Variants in OSBPL1A observed in about 807,000 individuals in gnomAD.
The protein encoded by OSBPL1A is oxysterol-binding protein-related protein 1.
OSBPL1A carries 80 observed loss-of-function variants against 137.1 expected under a neutral mutation model. The ratio of observed to expected loss-of-function variants is 0.58; its 90% CI spans 0.49 to 0.70. The LOEUF (loss-of-function observed/expected upper bound fraction) is 0.70. Among genes scored for constraint, OSBPL1A ranks in the 30% least tolerant of loss-of-function variants. OSBPL1A has a pLI of 0.00. For missense variants in OSBPL1A, 970 were observed against 1,129.4 expected, an observed-to-expected ratio of 0.86 and a Z score of 2.02; for synonymous variants, 365 against 389.7, an observed-to-expected ratio of 0.94 and a Z score of 0.75.
intron 17 of OSBPL1A, among the ~76,000 whole-genome samples, chr18:24,202,882 C>T (rs559144871): frequency 6.6e-6 from 1 of 152,268 alleles, no homozygotes; most frequent in African/African-American, 2.4e-5. Context: ...AAACAACACA[C>T]ATAATTAAAA....
At chr18:24,258,925 CTTTT>C (rs543867145) in intron 15 of OSBPL1A, among the ~76,000 whole-genome samples, 6 of 92,750 alleles carry the variant, frequency 6.5e-5, no homozygotes, top group African/African-American at 2.1e-4. Context: ...AAAATTACAT[CTTTT>C]TTTTTTTTTT....
At chr18:24,344,578 G>A (rs927187702) in intron 4 of OSBPL1A, among the ~76,000 whole-genome samples, 2 of 152,186 alleles carry the variant, frequency 1.3e-5, no homozygotes, top group Admixed American at 1.3e-4. Context: ...TATTGTGTAG[G>A]GAGCAGGTGC....
chr18:24,235,665 G>A (rs1407626853), intron 16 of OSBPL1A, among the ~76,000 whole-genome samples: 1 of 152,300 alleles, frequency 6.6e-6, no homozygotes, highest in East Asian at 1.9e-4. Context: ...GGAAGAGCAA[G>A]CATTTGTTTT....
chr18:24,304,551 T>G (rs2090464757), intron 13 of OSBPL1A, among the ~76,000 whole-genome samples: 1 of 152,220 alleles, frequency 6.6e-6, no homozygotes, highest in Non-Finnish European at 1.5e-5. Context: ...ATATTTATTC[T>G]GAGAATCTTG....
At chr18:24,225,644 G>C (rs1397124021) in intron 16 of OSBPL1A, among the ~76,000 whole-genome samples, 1 of 151,958 alleles carries the variant, frequency 6.6e-6, no homozygotes, top group Non-Finnish European at 1.5e-5. Context: ...CAATACTGTA[G>C]ACATAAAAGT....
chr18:24,262,247 C>T (rs1201977524), intron 15 of OSBPL1A, among the ~76,000 whole-genome samples: 1 of 152,214 alleles, frequency 6.6e-6, no homozygotes, highest in Non-Finnish European at 1.5e-5. Flanking sequence ...ATGACTTTCT[C>T]AGATGTCTGG....
At chr18:24,175,104 GTATGTATATATATATA>G (rs1488527428) in intron 21 of OSBPL1A, among the ~76,000 whole-genome samples, 680 of 42,716 alleles carry the variant, frequency 0.016, 54 homozygotes, top group African/African-American at 0.049. Context: ...TTTGCCATGT[GTATGTATATATATATA>G]TATATATATA....
intron 15 of OSBPL1A, among the ~76,000 whole-genome samples, chr18:24,240,996 G>C (rs1217505539): frequency 6.6e-6 from 1 of 152,134 alleles, no homozygotes; most frequent in Non-Finnish European, 1.5e-5. Flanking sequence ...TCTGATCTTT[G>C]ACAAACCTGA....
chr18:24,321,684 G>T (rs764421548), intron 7 of OSBPL1A: 2 of 525,060 alleles, frequency 3.8e-6, no homozygotes, highest in South Asian at 1.4e-5. Flanking sequence ...GGCATGACAG[G>T]CCTTCTCTTT....
chr18:24,210,524 CTTTTCT>C (rs1001186301), intron 17 of OSBPL1A, among the ~76,000 whole-genome samples: 10 of 138,192 alleles, frequency 7.2e-5, no homozygotes, highest in Non-Finnish European at 1.2e-4. Context: ...TTTATCTCTC[CTTTTCT>C]TTTTCTTTTT....
At chr18:24,177,904 G>C in intron 21 of OSBPL1A, 109 bp downstream of exon 21, 4 of 1,088,396 alleles carry the variant, frequency 3.7e-6, no homozygotes, top group Non-Finnish European at 3.9e-6. Flanking sequence ...CTGTATGAAA[G>C]CTGTTTCTTT....
At position 24,331,457 on chromosome 18, in the gene OSBPL1A, C is replaced by T. The variant is rs533151477; in HGVS notation, c.625+1485G>A. ...TGTCGCCCAGGCTGGAGTGCAGTGG[C>T]GCGATCTCGGCTCACTGCAAGCTCC... On this transcript the variant is annotated intron_variant, in intron 7 of 27. Transcript: ENST00000319481. 6.2e-3 allele frequency among the ~76,000 whole-genome samples: 908 copies of T among 147,204 alleles called. 6 individuals carry two copies. Among genetic ancestry groups the T allele is most frequent in the Admixed American group, 0.012 (175 of 14,802 alleles).
rs2088031996 is a variant in OSBPL1A at position 24,225,155 on chromosome 18, T to C, written c.1488A>G (p.Thr496=). ...ERSLSRLEAV[T]ARSFEEEGEH... ...CTCCTTCCTCTTCAAAGGAGCGTGC[T>C]GTCACTGCTTCCAATCTACTCAGGG... The change falls in exon 17 of 28, where the codon ACA becomes ACG. Residue 496 remains threonine (T), a synonymous_variant. Coordinates refer to ENST00000319481, the MANE Select transcript of OSBPL1A (RefSeq NM_080597.4). 1 of 1,614,184 alleles carries C rather than the reference T, an allele frequency of 6.2e-7. No homozygotes were observed. The highest frequency in any genetic ancestry group is 1.7e-5 in the Admixed American group (1 of 60,036).
At chr18:24,249,321 A>G (rs1028783311) in intron 15 of OSBPL1A, among the ~76,000 whole-genome samples, 5 of 152,234 alleles carry the variant, frequency 3.3e-5, no homozygotes, top group Non-Finnish European at 7.3e-5. Context: ...GGTTTTATGT[A>G]TCATCATGTA....
chr18:24,278,564 G>A (rs1201656310), intron 15 of OSBPL1A, among the ~76,000 whole-genome samples: 3 of 152,076 alleles, frequency 2.0e-5, no homozygotes, highest in Non-Finnish European at 4.4e-5. Context: ...TAAAGAATTA[G>A]GTTATTTTTT....
At chr18:24,163,303 G>C in intron 27 of OSBPL1A, 22 bp from the exon 28 acceptor site, 1 of 1,523,112 alleles carries the variant, frequency 6.6e-7, no homozygotes, top group South Asian at 1.2e-5. Context: ...AAAAGGACAA[G>C]ACTTACAGGG....
At chr18:24,310,064 A>G (rs953764453) in intron 13 of OSBPL1A, among the ~76,000 whole-genome samples, 1 of 151,134 alleles carries the variant, frequency 6.6e-6, no homozygotes, top group African/African-American at 2.4e-5. Flanking sequence ...AAAAAAAGAA[A>G]AAAAAAAAAA....
At chr18:24,385,450 C>T (rs1474000670) in intron 1 of OSBPL1A, among the ~76,000 whole-genome samples, 1 of 151,962 alleles carries the variant, frequency 6.6e-6, no homozygotes. Flanking sequence ...TATAAGTGGT[C>T]ATTAAAATCA....
chr18:24,314,136 T>G (rs1375394809), intron 12 of OSBPL1A, 113 bp downstream of exon 12: 4 of 623,916 alleles, frequency 6.4e-6, no homozygotes, highest in Middle Eastern at 2.8e-4. Flanking sequence ...TTTAAAAAAA[T>G]TAAAAGTACA....
Sources: allele counts gnomAD v4.1 joint callset (sites outside exome capture counted in the v4.1 genomes callset), GRCh38; gene constraint gnomAD v4.1.1; transcripts MANE v1.5; gene names NCBI Gene and HGNC (gene_info 2026-07-23, HGNC 2026-07-21).